FAM241A: variants seen among roughly 807,000 people sequenced by gnomAD.
FAM241A encodes family with sequence similarity 241 member A, also known as uncharacterized protein FAM241A.
FAM241A carries 7 observed loss-of-function variants against 12.2 expected under a neutral mutation model. That is an observed-to-expected ratio of 0.58 (90% CI 0.33 to 1.08). The LOEUF is 1.08. Among genes scored for constraint, FAM241A ranks in the 50% least tolerant of loss-of-function variants. The pLI is 0.04. For missense variants in FAM241A, 161 were observed against 169.7 expected (o/e 0.95, Z 0.29); for synonymous variants, 74 against 68.2 (o/e 1.08, Z -0.42).
intron 1 of FAM241A, among the ~76,000 whole-genome samples, chr4:112,165,784 G>A (rs1723582571): frequency 6.6e-6 from 1 of 152,156 alleles, no homozygotes; most frequent in Non-Finnish European, 1.5e-5. Flanking sequence ...TGAGGGGGAA[G>A]TGAGGATGGT....
chr4:112,187,610 T>C lies in FAM241A; in HGVS notation c.*672T>C, dbSNP rs1043410058. On this transcript the variant is annotated 3_prime_UTR_variant, in exon 2 of 2. Coordinates refer to ENST00000309733, the MANE Select transcript of FAM241A (RefSeq NM_152400.3). ...TGTAACATTTGGACCTAGACCTACT[T>C]TAATATATCATTTGAAGTTTCAGAC... 19 of 152,534 alleles carry C rather than the reference T, an allele frequency of 1.2e-4. No individual in the cohort carries two copies. Among genetic ancestry groups the C allele is most frequent in the Admixed American group, 3.9e-4 (6 of 15,260 alleles). 9.4% of individuals were successfully genotyped at this position (152,534 alleles called of 1,614,324 possible).
At chr4:112,155,273 A>G (rs1395448621) in intron 1 of FAM241A, among the ~76,000 whole-genome samples, 1 of 152,098 alleles carries the variant, frequency 6.6e-6, no homozygotes, top group Non-Finnish European at 1.5e-5. Flanking sequence ...GTCTGCAATT[A>G]TGACTTATAA....
In FAM241A at chr4:112,145,691, G is replaced by A. The variant is rs1398315716; in HGVS notation, c.111G>A (p.Ala37=). 9.1e-6 allele frequency: 11 copies of A among 1,207,334 alleles called. No individual in the cohort carries two copies. In the African/African-American group the frequency reaches 1.4e-4, roughly 16 times the overall value. The allele number at this position is 1,207,334 out of a possible 1,614,324, so 74.8% of individuals were successfully genotyped here. The part of the protein sequence containing the change: ...EAAGTGWDPG[A]SPRRRGQRPK... ...CAGGGACCGGGTGGGATCCCGGGGCGAGCCCGCGGCGGCGCGGACAGCGGC... is the reference window on the plus strand; with the variant it reads ...CAGGGACCGGGTGGGATCCCGGGGCAAGCCCGCGGCGGCGCGGACAGCGGC... Residue 37 remains alanine, a synonymous_variant, in exon 1 of 2, where the codon GCG becomes GCA. Transcript: ENST00000309733.
Position 112,188,482 on chromosome 4 carries a change from C to T in FAM241A, c.*1544C>T, listed in dbSNP as rs779307902. 6.6e-6 allele frequency: 1 copy of T among 152,140 alleles called. No individual in the cohort carries two copies. 9.4% of individuals were successfully genotyped at this position (152,140 alleles called of 1,614,324 possible). A position where few individuals can be genotyped will look rare whatever the true frequency, so the allele number is the denominator to read the frequency against. On this transcript the variant is annotated 3_prime_UTR_variant, in exon 2 of 2. Transcript: ENST00000309733. ...AAAGTATTGCACATTTATATAAATA[C>T]AGTCCTTTTAAAATTTGACTTTTAA...
chr4:112,172,513 A>G (rs2110430376), intron 1 of FAM241A, among the ~76,000 whole-genome samples: 1 of 152,350 alleles, frequency 6.6e-6, no homozygotes, highest in South Asian at 2.1e-4. Flanking sequence ...TAAATATTTG[A>G]AAGCAGTGCA....
At chr4:112,181,538 T>G (rs1723943007) in intron 1 of FAM241A, among the ~76,000 whole-genome samples, 1 of 152,182 alleles carries the variant, frequency 6.6e-6, no homozygotes, top group African/African-American at 2.4e-5. Flanking sequence ...TTCATGAAGT[T>G]TATAGTACAG....
At chr4:112,180,153 G>C (rs1261969250) in intron 1 of FAM241A, among the ~76,000 whole-genome samples, 1 of 148,782 alleles carries the variant, frequency 6.7e-6, no homozygotes, top group Non-Finnish European at 1.5e-5. Context: ...GCTAAACATT[G>C]GGTACTCATG....
chr4:112,163,881 T>C (rs969372952), intron 1 of FAM241A, among the ~76,000 whole-genome samples: 5 of 152,184 alleles, frequency 3.3e-5, no homozygotes, highest in Non-Finnish European at 5.9e-5. Flanking sequence ...CCATCAGTGA[T>C]AGACTGGATT....
rs1257678080 is a variant in FAM241A at position 112,188,032 on chromosome 4, C to T, written c.*1094C>T. 1 of 152,070 alleles carries T rather than the reference C, an allele frequency of 6.6e-6. No homozygotes were observed. The highest frequency in any genetic ancestry group is 1.5e-5 in the Non-Finnish European group (1 of 67,984). 9.4% of individuals were successfully genotyped at this position (152,070 alleles called of 1,614,324 possible). A position where few individuals can be genotyped will look rare whatever the true frequency, so the allele number is the denominator to read the frequency against. On this transcript the variant is annotated 3_prime_UTR_variant, in exon 2 of 2. Coordinates refer to ENST00000309733, the MANE Select transcript of FAM241A (RefSeq NM_152400.3). ...AGGCTAAAGTCACATCAGTAATTGGCTAGCCATGTTATTAAGGTGTCTTAA... is the reference window on the plus strand; with the variant it reads ...AGGCTAAAGTCACATCAGTAATTGGTTAGCCATGTTATTAAGGTGTCTTAA...
Position 112,170,757 on chromosome 4 carries a change from G to C in FAM241A, c.154-15936G>C, listed in dbSNP as rs576865648. Among the ~76,000 whole-genome samples, 284 of 152,112 alleles carry C rather than the reference G, an allele frequency of 1.9e-3. 1 individual carries two copies. The highest frequency in any genetic ancestry group is 6.7e-3 in the African/African-American group (277 of 41,514). On this transcript the variant is annotated intron_variant, in intron 1 of 1. Transcript: ENST00000309733. ...AGTTGACTGCAGCTAACTGAAACTGGGAAAAGAGAAACTGGATAAGGGGGA... is the reference window on the plus strand; with the variant it reads ...AGTTGACTGCAGCTAACTGAAACTGCGAAAAGAGAAACTGGATAAGGGGGA...
rs1472508680 is a variant in FAM241A at position 112,188,655 on chromosome 4, A to G, written c.*1717A>G. On this transcript the variant is annotated 3_prime_UTR_variant, in exon 2 of 2. Coordinates refer to ENST00000309733, the MANE Select transcript of FAM241A (RefSeq NM_152400.3). ...AATTGTGAGGTTTTCAATAGATGTC[A>G]TGAGATTTTGTATATCTACATAAAA... The G allele has an allele frequency of 6.6e-6, 1 of 152,164 alleles. No homozygotes were observed. The highest frequency in any genetic ancestry group is 1.5e-5 in the Non-Finnish European group (1 of 68,016). The allele number at this position is 152,164 out of a possible 1,614,324, so 9.4% of individuals were successfully genotyped here. A position where few individuals can be genotyped will look rare whatever the true frequency, so the allele number is the denominator to read the frequency against.
intron 1 of FAM241A, among the ~76,000 whole-genome samples, chr4:112,156,709 G>GT (rs1033570977): frequency 2.0e-5 from 3 of 152,210 alleles, no homozygotes; most frequent in Admixed American, 6.5e-5. Context: ...CTTGGACTTT[G>GT]TGTATAACAG....
intron 1 of FAM241A, among the ~76,000 whole-genome samples, chr4:112,185,738 G>A (rs993357765): frequency 1.3e-5 from 2 of 152,194 alleles, no homozygotes; most frequent in African/African-American, 4.8e-5. Flanking sequence ...ATTGGAGCTG[G>A]CATCTCAAGA....
intron 1 of FAM241A, among the ~76,000 whole-genome samples, chr4:112,171,819 A>C (rs993603108): frequency 6.6e-6 from 1 of 152,176 alleles, no homozygotes; most frequent in African/African-American, 2.4e-5. Context: ...AGATCGCGCC[A>C]CTGCACTCCA....
intron 1 of FAM241A, among the ~76,000 whole-genome samples, chr4:112,183,054 A>G (rs149923635): frequency 2.2e-4 from 33 of 150,528 alleles, no homozygotes; most frequent in Admixed American, 1.0e-3. Flanking sequence ...TATCCAATTC[A>G]TTGCTGGATA....
intron 1 of FAM241A, among the ~76,000 whole-genome samples, chr4:112,174,905 A>G (rs1365645917): frequency 6.6e-6 from 1 of 152,242 alleles, no homozygotes; most frequent in Non-Finnish European, 1.5e-5. Flanking sequence ...ACCAGGCTTT[A>G]AAGTGACATC....
At chr4:112,164,086 G>T (rs1723541093) in intron 1 of FAM241A, among the ~76,000 whole-genome samples, 1 of 151,584 alleles carries the variant, frequency 6.6e-6, no homozygotes. Flanking sequence ...GACACAGGGT[G>T]GGGAACATCA....
At chr4:112,157,158 T>C (rs1723370192) in intron 1 of FAM241A, among the ~76,000 whole-genome samples, 1 of 152,162 alleles carries the variant, frequency 6.6e-6, no homozygotes, top group African/African-American at 2.4e-5. Flanking sequence ...ACCCAGTAAA[T>C]GTTACAACCT....
chr4:112,185,497 T>TA (rs1409986892), intron 1 of FAM241A, among the ~76,000 whole-genome samples: 1 of 152,174 alleles, frequency 6.6e-6, no homozygotes, highest in Non-Finnish European at 1.5e-5. Flanking sequence ...TGCTAAAGTT[T>TA]AAAAACCACT....
Sources: gnomAD v4.1 joint callset for allele counts (sites outside exome capture counted in the v4.1 genomes callset) on GRCh38, gnomAD v4.1.1 for gene constraint, MANE v1.5 for transcripts, NCBI Gene and HGNC (gene_info 2026-07-23, HGNC 2026-07-21) for gene names.